The following THSD7B variants were observed in gnomAD, a reference collection of about 807,000 sequenced individuals.
THSD7B encodes thrombospondin type-1 domain-containing protein 7B.
In THSD7B, 138 loss-of-function variants were observed where a neutral mutation model predicts 213.6. The ratio of observed to expected loss-of-function variants is 0.65; its 90% CI spans 0.56 to 0.74. THSD7B has a LOEUF of 0.74. Among genes scored for constraint, THSD7B ranks in the 30% least tolerant of loss-of-function variants. THSD7B has a pLI of 0.00. For synonymous variants in THSD7B, 742 were observed against 687.0 expected (o/e 1.08, Z -1.25); for missense variants, 1,931 against 1,991.5 (o/e 0.97, Z 0.58).
At chr2:137,334,829 G>T (rs1424944925) in intron 12 of THSD7B, among the ~76,000 whole-genome samples, 1 of 152,196 alleles carries the variant, frequency 6.6e-6, no homozygotes, top group Non-Finnish European at 1.5e-5. Context: ...TGTCAAGGGT[G>T]GGACCAGGTG....
intron 15 of THSD7B, among the ~76,000 whole-genome samples, chr2:137,533,619 C>A (rs1467053887): frequency 6.6e-6 from 1 of 151,872 alleles, no homozygotes; most frequent in Non-Finnish European, 1.5e-5. Context: ...CAAAACATTG[C>A]ATTGCAAATG....
intron 10 of THSD7B, among the ~76,000 whole-genome samples, chr2:137,261,797 C>T (rs893355840): frequency 2.0e-5 from 3 of 149,734 alleles, no homozygotes; most frequent in Non-Finnish European, 4.4e-5. Context: ...ACCTCCAAAA[C>T]AAAAATTTTA....
At chr2:137,316,689 C>T (rs765471422) in intron 12 of THSD7B, among the ~76,000 whole-genome samples, 9 of 146,106 alleles carry the variant, frequency 6.2e-5, no homozygotes, top group Non-Finnish European at 1.2e-4. Context: ...ACCCTGGAGG[C>T]GGAGCTTGCA....
At chr2:137,533,493 A>C (rs2105182554) in intron 15 of THSD7B, among the ~76,000 whole-genome samples, 1 of 152,078 alleles carries the variant, frequency 6.6e-6, no homozygotes, top group Non-Finnish European at 1.5e-5. Context: ...TTTAGCAAGA[A>C]GGTAGCAAAA....
At chr2:137,297,610 A>G (rs780231745) in intron 12 of THSD7B, among the ~76,000 whole-genome samples, 5 of 152,084 alleles carry the variant, frequency 3.3e-5, no homozygotes, top group Non-Finnish European at 7.4e-5. Context: ...GCCCCCACCC[A>G]AATCTCAACT....
chr2:137,208,708 T>G (rs1195665298), intron 7 of THSD7B, among the ~76,000 whole-genome samples: 3 of 151,864 alleles, frequency 2.0e-5, no homozygotes, highest in Non-Finnish European at 4.4e-5. Context: ...GTGGATGAAA[T>G]CAGAGGGGTA....
At chr2:136,770,840 A>G (rs113360042) in intron 1 of THSD7B, among the ~76,000 whole-genome samples, 3,913 of 152,186 alleles carry the variant, frequency 0.026, 173 homozygotes, top group African/African-American at 0.09. Flanking sequence ...TGTTATCTTT[A>G]TATTATCTAG....
chr2:137,075,241 G>C (rs1687594504), intron 3 of THSD7B, among the ~76,000 whole-genome samples: 1 of 152,142 alleles, frequency 6.6e-6, no homozygotes, highest in Non-Finnish European at 1.5e-5. Flanking sequence ...TGTAGATTTG[G>C]TCTTTTCACA....
intron 7 of THSD7B, among the ~76,000 whole-genome samples, chr2:137,200,483 TA>T (rs1680852813): frequency 1.3e-5 from 2 of 152,082 alleles, no homozygotes; most frequent in African/African-American, 4.8e-5. Context: ...ACATTTTTAG[TA>T]AAATGTAACA....
intron 14 of THSD7B, among the ~76,000 whole-genome samples, chr2:137,417,911 C>T (rs1256278119): frequency 6.6e-6 from 1 of 152,132 alleles, no homozygotes; most frequent in Admixed American, 6.6e-5. Context: ...ATATGAAATT[C>T]TTGCCAAATG....
intron 10 of THSD7B, among the ~76,000 whole-genome samples, chr2:137,260,487 G>T (rs575860762): frequency 6.6e-6 from 1 of 152,150 alleles, no homozygotes; most frequent in East Asian, 1.9e-4. Flanking sequence ...AATTGTCCAG[G>T]CATGGTGGTT....
At chr2:137,001,760 C>G (rs910045126) in intron 2 of THSD7B, among the ~76,000 whole-genome samples, 1 of 152,096 alleles carries the variant, frequency 6.6e-6, no homozygotes, top group Non-Finnish European at 1.5e-5. Context: ...CCCACTTTTT[C>G]GAAACCACCT....
chr2:136,824,604 C>A (rs1396064802), intron 1 of THSD7B, among the ~76,000 whole-genome samples: 1 of 152,094 alleles, frequency 6.6e-6, no homozygotes, highest in Middle Eastern at 3.2e-3. Context: ...ATTAGGTTTG[C>A]AAACTCTAAC....
intron 2 of THSD7B, among the ~76,000 whole-genome samples, chr2:137,055,055 G>T (rs1304919780): frequency 2.6e-5 from 4 of 152,042 alleles, no homozygotes; most frequent in African/African-American, 9.7e-5. Context: ...TCCTGTGTTC[G>T]TTTGCTGAGG....
chr2:137,613,676 G>A (rs1427482117), intron 17 of THSD7B, among the ~76,000 whole-genome samples: 1 of 152,084 alleles, frequency 6.6e-6, no homozygotes, highest in Non-Finnish European at 1.5e-5. Context: ...ACTTCTATAT[G>A]CAGGAAATTG....
In THSD7B at chr2:137,551,805, A is replaced by G. The variant is rs964175977; in HGVS notation, c.3139-11416A>G. The stretch of plus-strand genomic sequence containing the variant: ...ACATCTGCTCAATTTCTGTGTAGGT[A>G]AAAAATCTAGTGTGTGAAAATGCCT... On this transcript the variant is annotated intron_variant, in intron 15 of 27. Transcript: ENST00000409968. Among the ~76,000 whole-genome samples, 7 of 152,152 alleles carry G rather than the reference A, an allele frequency of 4.6e-5. No individual in the cohort carries two copies. The East Asian group carries it at 1.4e-3, about 29-fold the overall frequency.
intron 2 of THSD7B, among the ~76,000 whole-genome samples, chr2:136,891,878 C>G (rs1440260347): frequency 1.3e-5 from 2 of 152,186 alleles, no homozygotes; most frequent in Non-Finnish European, 1.5e-5. Flanking sequence ...TCATTAGGCC[C>G]TGCTAAGTGT....
rs960261834 is a variant in THSD7B, at chr2:137,193,321, C to T, written c.1723+22383C>T. Among the ~76,000 whole-genome samples the T allele has an allele frequency of 6.6e-5, 10 of 152,126 alleles. No homozygotes were observed. In the East Asian group the frequency reaches 1.2e-3, roughly 18 times the overall value. ...ATGATAAATTGATAATTTATAATTG[C>T]GTAAATTTATGAGGTGCAAATTGAT... On this transcript the variant is annotated intron_variant, in intron 7 of 27. Transcript: ENST00000409968.
At chr2:137,494,638 CACTCTT>C (rs376015949) in intron 15 of THSD7B, among the ~76,000 whole-genome samples, 1 of 152,264 alleles carries the variant, frequency 6.6e-6, no homozygotes, top group East Asian at 1.9e-4. Flanking sequence ...CTGCCTACCA[CACTCTT>C]ACTCTTATTG....
Sources: gnomAD v4.1 joint callset for allele counts (sites outside exome capture counted in the v4.1 genomes callset) on GRCh38, gnomAD v4.1.1 for gene constraint, MANE v1.5 for transcripts, NCBI Gene and HGNC (gene_info 2026-07-23, HGNC 2026-07-21) for gene names.